Variants in RORA observed in about 807,000 individuals in gnomAD.
RORA encodes the protein nuclear receptor ROR-alpha.
Under a neutral mutation model 69.5 loss-of-function variants are expected in RORA, and 7 were observed. That is an observed-to-expected ratio of 0.10 (90% CI 0.06 to 0.19). The LOEUF (loss-of-function observed/expected upper bound fraction) is 0.19, where lower values mean the gene tolerates loss of function less well. Among genes scored for constraint, RORA ranks in the 10% least tolerant of loss-of-function variants. RORA has a pLI of 1.00. For missense variants in RORA, 457 were observed against 663.0 expected, an observed-to-expected ratio of 0.69 and a Z score of 3.41; for synonymous variants, 261 against 240.8, an observed-to-expected ratio of 1.08 and a Z score of -0.78.
At chr15:60,669,219 C>T (rs1239640633) in intron 2 of RORA, among the ~76,000 whole-genome samples, 2 of 152,140 alleles carry the variant, frequency 1.3e-5, no homozygotes, top group Admixed American at 6.5e-5. Flanking sequence ...ATGGCAAGAA[C>T]GGGTCTTACA....
chr15:60,969,967 T>C (rs1355399474), intron 1 of RORA, among the ~76,000 whole-genome samples: 1 of 152,210 alleles, frequency 6.6e-6, no homozygotes, highest in Non-Finnish European at 1.5e-5. Flanking sequence ...TCGTAAGAGA[T>C]ACCAGAGAGC....
chr15:60,574,602 G>A (rs567333818), intron 2 of RORA, among the ~76,000 whole-genome samples: 28 of 152,360 alleles, frequency 1.8e-4, no homozygotes, highest in South Asian at 1.7e-3. Context: ...GAGGATGAGA[G>A]GATGGGGATG....
At chr15:60,968,857 T>C (rs1363968890) in intron 1 of RORA, among the ~76,000 whole-genome samples, 1 of 152,192 alleles carries the variant, frequency 6.6e-6, no homozygotes, top group Admixed American at 6.5e-5. Context: ...CCCATCATGT[T>C]TTTGATAGCA....
intron 2 of RORA, among the ~76,000 whole-genome samples, chr15:60,612,389 A>G (rs1375041149): frequency 1.3e-5 from 2 of 152,140 alleles, no homozygotes; most frequent in African/African-American, 2.4e-5. Flanking sequence ...TCTTTTTGGC[A>G]TGTTCCTCCA....
At chr15:61,012,262 T>C (rs1296731689) in intron 1 of RORA, among the ~76,000 whole-genome samples, 1 of 152,240 alleles carries the variant, frequency 6.6e-6, no homozygotes, top group Non-Finnish European at 1.5e-5. Flanking sequence ...ATATTAAGTA[T>C]GCAGTAAATT....
chr15:60,646,073 A>C (rs1031185607), intron 2 of RORA, among the ~76,000 whole-genome samples: 2 of 152,172 alleles, frequency 1.3e-5, no homozygotes, highest in Non-Finnish European at 2.9e-5. Context: ...TTGGCATTGG[A>C]AAAGTACATT....
intron 1 of RORA, among the ~76,000 whole-genome samples, chr15:60,935,751 A>T (rs1892501554): frequency 6.6e-6 from 1 of 152,248 alleles, no homozygotes; most frequent in African/African-American, 2.4e-5. Context: ...TGGCAGCTTC[A>T]TCCTTCATTG....
At chr15:60,783,194 A>G (rs371323844) in intron 1 of RORA, among the ~76,000 whole-genome samples, 1 of 152,320 alleles carries the variant, frequency 6.6e-6, no homozygotes, top group Non-Finnish European at 1.5e-5. Context: ...TGTAAGATCT[A>G]ATGTCACTGG....
chr15:60,551,742 T>G (rs1034295540), intron 2 of RORA, among the ~76,000 whole-genome samples: 5 of 152,204 alleles, frequency 3.3e-5, no homozygotes, highest in African/African-American at 9.6e-5. Flanking sequence ...AAGACCTCTG[T>G]GATTAACAAA....
intron 1 of RORA, among the ~76,000 whole-genome samples, chr15:61,144,271 T>C (rs1056256521): frequency 6.6e-6 from 1 of 152,180 alleles, no homozygotes; most frequent in African/African-American, 2.4e-5. Context: ...CCTCAGCTGA[T>C]TCCACGGGCA....
At chr15:60,670,569 G>A (rs116838662) in intron 2 of RORA, among the ~76,000 whole-genome samples, 1,595 of 152,208 alleles carry the variant, frequency 0.01, 32 homozygotes, top group African/African-American at 0.036. Flanking sequence ...GACAGTAGGA[G>A]CTGGAGTTGA....
chr15:60,862,436 G>A (rs1003320869), intron 1 of RORA, among the ~76,000 whole-genome samples: 6 of 152,244 alleles, frequency 3.9e-5, no homozygotes, highest in African/African-American at 1.4e-4. Flanking sequence ...AGGGAGGCTA[G>A]CATCCTAGCA....
chr15:60,876,319 G>A (rs991379597), intron 1 of RORA, among the ~76,000 whole-genome samples: 1 of 149,812 alleles, frequency 6.7e-6, no homozygotes, highest in South Asian at 2.1e-4. Context: ...AGTGGGGGGG[G>A]GGGGGGGCGG....
chr15:60,515,344 T>A (rs189365552), intron 3 of RORA, among the ~76,000 whole-genome samples: 1 of 152,154 alleles, frequency 6.6e-6, no homozygotes, highest in African/African-American at 2.4e-5. Context: ...ATTGGGAATA[T>A]TCCCTCATCC....
At chr15:61,139,013 G>C (rs559038280) in intron 1 of RORA, among the ~76,000 whole-genome samples, 1 of 151,934 alleles carries the variant, frequency 6.6e-6, no homozygotes, top group South Asian at 2.1e-4. Context: ...GCGTGGTGGC[G>C]GGCGCCTGTA....
At chr15:60,976,199 G>A (rs1294492213) in intron 1 of RORA, among the ~76,000 whole-genome samples, 2 of 152,228 alleles carry the variant, frequency 1.3e-5, no homozygotes, top group African/African-American at 4.8e-5. Flanking sequence ...ATGCTGGCAG[G>A]AGGGGCGTTA....
At chr15:60,775,925 C>T (rs758399607) in intron 1 of RORA, among the ~76,000 whole-genome samples, 1 of 152,170 alleles carries the variant, frequency 6.6e-6, no homozygotes, top group Non-Finnish European at 1.5e-5. Flanking sequence ...CCTGGGGCTT[C>T]GACTCCTTCT....
chr15:60,711,656 A>T (rs1166107834), intron 1 of RORA, among the ~76,000 whole-genome samples: 1 of 152,130 alleles, frequency 6.6e-6, no homozygotes, highest in African/African-American at 2.4e-5. Flanking sequence ...GTGGCTAATA[A>T]ATTCGATTGC....
At chr15:60,513,945 C>T (rs944442390) in intron 4 of RORA, among the ~76,000 whole-genome samples, 4 of 152,200 alleles carry the variant, frequency 2.6e-5, no homozygotes, top group Non-Finnish European at 5.9e-5. Context: ...CCAGTTTCCA[C>T]GTATAAGCAT....
Sources: allele counts gnomAD v4.1 joint callset (sites outside exome capture counted in the v4.1 genomes callset), GRCh38; gene constraint gnomAD v4.1.1; transcripts MANE v1.5; gene names NCBI Gene and HGNC (gene_info 2026-07-23, HGNC 2026-07-21).